Variants in CCDC152 observed in about 807,000 individuals in gnomAD.
CCDC152 encodes coiled-coil domain containing 152.
Under a neutral mutation model 38.1 loss-of-function variants are expected in CCDC152, and 37 were observed. That is an observed-to-expected ratio of 0.97 (90% CI 0.75 to 1.28). The LOEUF is 1.28. CCDC152 is among the 50% of genes most tolerant of loss of function. The pLI, the probability that CCDC152 is intolerant of heterozygous loss-of-function variation, is 0.00. For missense variants in CCDC152, 259 were observed against 292.1 expected, an observed-to-expected ratio of 0.89 and a Z score of 0.83; for synonymous variants, 83 against 87.1, an observed-to-expected ratio of 0.95 and a Z score of 0.26.
chr5:42,766,838 T>C (rs1378231442), intron 3 of CCDC152, among the ~76,000 whole-genome samples: 1 of 150,688 alleles, frequency 6.6e-6, no homozygotes, highest in Non-Finnish European at 1.5e-5. Context: ...TAAGACCTAC[T>C]ATTCGTTAGC....
At chr5:42,785,512 G>A (rs535742845) in intron 6 of CCDC152, among the ~76,000 whole-genome samples, 31 of 151,944 alleles carry the variant, frequency 2.0e-4, no homozygotes, top group Admixed American at 6.6e-4. Flanking sequence ...TTTTCTAGGT[G>A]TAGAATCTTT....
intron 6 of CCDC152, among the ~76,000 whole-genome samples, chr5:42,792,573 T>C (rs923950587): frequency 6.6e-6 from 1 of 152,190 alleles, no homozygotes; most frequent in Non-Finnish European, 1.5e-5. Flanking sequence ...GTAGTAATTA[T>C]TAACACCATT....
chr5:42,772,622 G>T (rs1759714564), intron 4 of CCDC152, among the ~76,000 whole-genome samples: 1 of 144,316 alleles, frequency 6.9e-6, no homozygotes, highest in African/African-American at 2.6e-5. Flanking sequence ...CTGCACTCCA[G>T]CCTGGCTGCA....
chr5:42,759,211 A>G lies in CCDC152; in HGVS notation c.87+3A>G. The G allele has an allele frequency of 6.5e-7, 1 of 1,533,250 alleles. No homozygotes were observed. Among genetic ancestry groups the G allele is most frequent in the African/African-American group, 1.4e-5 (1 of 72,656 alleles). 95.0% of individuals were successfully genotyped at this position (1,533,250 alleles called of 1,614,324 possible). On this transcript the variant is annotated splice_donor_region_variant and intron_variant, in intron 2 of 8. Transcript: ENST00000361970. Reference sequence around the variant, plus strand: ...ATGACTTCTCACAGATAGAAAAGGTATGTAAAGATAGAAAACAATTCTACT... The same window carrying G: ...ATGACTTCTCACAGATAGAAAAGGTGTGTAAAGATAGAAAACAATTCTACT...
chr5:42,772,893 C>T (rs1432802506), intron 4 of CCDC152, among the ~76,000 whole-genome samples: 1 of 152,184 alleles, frequency 6.6e-6, no homozygotes, highest in African/African-American at 2.4e-5. Context: ...CTCTCCTTAA[C>T]AGGAAACGGT....
intron 3 of CCDC152, 53 bp from the exon 4 acceptor site, chr5:42,769,544 A>G: frequency 7.1e-7 from 1 of 1,412,652 alleles, no homozygotes. Flanking sequence ...TGAGAGAATA[A>G]TTCCAAAATG....
intron 3 of CCDC152, among the ~76,000 whole-genome samples, chr5:42,765,524 C>T (rs1007541682): frequency 6.6e-6 from 1 of 152,074 alleles, no homozygotes. Context: ...TACTACAGAG[C>T]TACAGTAAGC....
chr5:42,771,429 A>T (rs1759697684), intron 4 of CCDC152, among the ~76,000 whole-genome samples: 1 of 152,110 alleles, frequency 6.6e-6, no homozygotes, highest in Non-Finnish European at 1.5e-5. Context: ...AGATTATAGG[A>T]TAAATCAATC....
intron 7 of CCDC152, among the ~76,000 whole-genome samples, chr5:42,799,153 C>T (rs1404175860): frequency 6.6e-6 from 1 of 151,986 alleles, no homozygotes; most frequent in Non-Finnish European, 1.5e-5. Context: ...AAAAAAAAAC[C>T]TCTCCAGGTA....
chr5:42,782,756 A>G (rs1331688898), intron 5 of CCDC152, among the ~76,000 whole-genome samples: 2 of 152,190 alleles, frequency 1.3e-5, no homozygotes, highest in Non-Finnish European at 2.9e-5. Context: ...TAACATATCC[A>G]TAATATAGAT....
intron 2 of CCDC152, among the ~76,000 whole-genome samples, chr5:42,761,953 A>T (rs1479297497): frequency 1.3e-5 from 2 of 152,234 alleles, no homozygotes; most frequent in Non-Finnish European, 1.5e-5. Flanking sequence ...TATATTGCTC[A>T]ATGACAAGGA....
chr5:42,782,632 C>T (rs1036513958), intron 5 of CCDC152, among the ~76,000 whole-genome samples: 3 of 151,962 alleles, frequency 2.0e-5, no homozygotes, highest in East Asian at 1.9e-4. Flanking sequence ...TTATCAATAA[C>T]GATGTATCAT....
At chr5:42,781,555 GCACACACA>G (rs767352552) in intron 5 of CCDC152, among the ~76,000 whole-genome samples, 2 of 123,546 alleles carry the variant, frequency 1.6e-5, no homozygotes. Flanking sequence ...GCGCGCGCGC[GCACACACA>G]CACACACACA....
chr5:42,789,900 C>A (rs1416810983), intron 6 of CCDC152, among the ~76,000 whole-genome samples: 3 of 152,038 alleles, frequency 2.0e-5, no homozygotes, highest in Admixed American at 6.5e-5. Flanking sequence ...AAGAGATTAT[C>A]TTTGTGATCT....
At position 42,758,110 on chromosome 5, in the gene CCDC152, A is replaced by G. The variant is rs137893341; in HGVS notation, c.-2-1010A>G. Among the ~76,000 whole-genome samples, 593 of 152,350 alleles carry G rather than the reference A, an allele frequency of 3.9e-3. 5 individuals carry two copies. Among genetic ancestry groups the G allele is most frequent in the African/African-American group, 0.014 (578 of 41,580 alleles). The stretch of plus-strand genomic sequence containing the variant: ...GTTGTGCTTGCATATGTCATACATA[A>G]GATAATAATTCGAGATAATAATTCA... On this transcript the variant is annotated intron_variant, in intron 1 of 8. Coordinates refer to ENST00000361970, the MANE Select transcript of CCDC152 (RefSeq NM_001134848.2).
In CCDC152 at chr5:42,783,538, A is replaced by C. The variant is rs1024109571; in HGVS notation, c.392A>C (p.Lys131Thr). The stretch of plus-strand genomic sequence containing the variant: ...AAAATCAAAGAGGAGGGATATAAGA[A>C]AGAAATAAGCAAACTTTATCAGGAC... The part of the protein sequence containing the change: ...EMKIKEEGYK[K>T]EISKLYQDMQ... The change falls in exon 6 of 9, where the codon AAA becomes ACA. Residue 131 changes from lysine (K) to threonine (T), a missense_variant. Physicochemically the swap from Lys to Thr is moderately conservative, Grantham distance 78 (BLOSUM62 -1). Transcript: ENST00000361970. 3 of 1,395,612 alleles carry C rather than the reference A, an allele frequency of 2.1e-6. No individual in the cohort carries two copies. Among genetic ancestry groups the C allele is most frequent in the African/African-American group, 3.0e-5 (2 of 67,796 alleles). 86.5% of individuals were successfully genotyped at this position (1,395,612 alleles called of 1,614,324 possible).
rs1283515555 is a variant in CCDC152 at position 42,799,392 on chromosome 5, A to G, written c.576A>G (p.Ala192=). 6.5e-7 allele frequency: 1 copy of G among 1,538,470 alleles called. No homozygotes were observed. Among genetic ancestry groups the G allele is most frequent in the Admixed American group, 2.0e-5 (1 of 48,944 alleles). Residue 192 remains alanine, a synonymous_variant, in exon 8 of 9, where the codon GCA becomes GCG. Transcript: ENST00000361970. ...KLQLEFDAKL[A]RVQTKSKSYQ... ...TGATTCAGTTTGATGCCAAACTAGC[A>G]AGAGTTCAGACTAAATCAAAATCAT...
chr5:42,759,296 T>A, intron 2 of CCDC152, 88 bp downstream of exon 2: 1 of 654,276 alleles, frequency 1.5e-6, no homozygotes, highest in Non-Finnish European at 2.6e-6. Flanking sequence ...AAGAAAAATA[T>A]ACCAAAAAAT....
Position 42,783,544 on chromosome 5 carries a change from T to G in CCDC152, c.398T>G (p.Ile133Arg), listed in dbSNP as rs1041363469. ...KIKEEGYKKEISKLYQDMQRK... is the reference protein window; with the variant it reads ...KIKEEGYKKERSKLYQDMQRK... Reference sequence around the variant, plus strand: ...AAAGAGGAGGGATATAAGAAAGAAATAAGCAAACTTTATCAGGACATGCAG... The same window carrying G: ...AAAGAGGAGGGATATAAGAAAGAAAGAAGCAAACTTTATCAGGACATGCAG... Residue 133 changes from isoleucine to arginine, a missense_variant, in exon 6 of 9, where the codon ATA becomes AGA. Coordinates refer to ENST00000361970, the MANE Select transcript of CCDC152 (RefSeq NM_001134848.2). The G allele has an allele frequency of 2.2e-6, 3 of 1,390,540 alleles. No homozygotes were observed. The highest frequency in any genetic ancestry group is 1.9e-6 in the Non-Finnish European group (2 of 1,062,010). 86.1% of individuals were successfully genotyped at this position (1,390,540 alleles called of 1,614,324 possible). A position where few individuals can be genotyped will look rare whatever the true frequency, so the allele number is the denominator to read the frequency against.
Sources: allele counts gnomAD v4.1 joint callset (sites outside exome capture counted in the v4.1 genomes callset), GRCh38; gene constraint gnomAD v4.1.1; transcripts MANE v1.5; gene names NCBI Gene and HGNC (gene_info 2026-07-23, HGNC 2026-07-21).